ITGA1: variants seen among roughly 807,000 people sequenced by gnomAD.
ITGA1 encodes the protein integrin alpha-1.
In ITGA1, 85 loss-of-function variants were observed where a neutral mutation model predicts 145.9. The observed-to-expected ratio is 0.58, with a 90% CI of 0.49 to 0.70. The LOEUF is 0.70. Among genes scored for constraint, ITGA1 ranks in the 30% least tolerant of loss-of-function variants. ITGA1 has a pLI of 0.00. For missense variants in ITGA1, 1,351 were observed against 1,418.7 expected, an observed-to-expected ratio of 0.95 and a Z score of 0.77; for synonymous variants, 520 against 495.3, an observed-to-expected ratio of 1.05 and a Z score of -0.66.
At chr5:52,949,839 C>T (rs979831061) in intron 28 of ITGA1, among the ~76,000 whole-genome samples, 3 of 152,162 alleles carry the variant, frequency 2.0e-5, no homozygotes, top group African/African-American at 4.8e-5. Flanking sequence ...TTCAGAAGAG[C>T]TACTCTTATC....
At chr5:52,835,685 C>T (rs1252409681) in intron 1 of ITGA1, among the ~76,000 whole-genome samples, 1 of 152,016 alleles carries the variant, frequency 6.6e-6, no homozygotes, top group Non-Finnish European at 1.5e-5. Context: ...TACAAGAAAC[C>T]CTTCTGAAGA....
At chr5:52,801,397 T>C (rs1253370474) in intron 1 of ITGA1, 5 of 1,600,252 alleles carry the variant, frequency 3.1e-6, no homozygotes, top group African/African-American at 1.3e-5. Flanking sequence ...ACTTTTGTAA[T>C]TGTGATTCTA....
intron 1 of ITGA1, among the ~76,000 whole-genome samples, chr5:52,841,636 A>G (rs1050432340): frequency 6.6e-6 from 1 of 152,236 alleles, no homozygotes; most frequent in African/African-American, 2.4e-5. Flanking sequence ...AACCCATAAG[A>G]CTAATATTAT....
At chr5:52,878,479 G>A (rs774777382) in intron 6 of ITGA1, among the ~76,000 whole-genome samples, 4 of 152,112 alleles carry the variant, frequency 2.6e-5, no homozygotes, top group Non-Finnish European at 4.4e-5. Context: ...TTCATAGTAG[G>A]TTCTTTAAGA....
intron 1 of ITGA1, among the ~76,000 whole-genome samples, chr5:52,829,502 A>G (rs1749023392): frequency 2.0e-5 from 3 of 152,206 alleles, no homozygotes; most frequent in Admixed American, 2.0e-4. Context: ...GCTCACCACC[A>G]TAAAAGTTAG....
chr5:52,829,339 A>G (rs2111717763), intron 1 of ITGA1, among the ~76,000 whole-genome samples: 1 of 152,306 alleles, frequency 6.6e-6, no homozygotes, highest in Non-Finnish European at 1.5e-5. Context: ...GAGTTTGGTC[A>G]ACATAGTGAA....
intron 2 of ITGA1, among the ~76,000 whole-genome samples, chr5:52,857,061 TTTTAAGG>T (rs1749526071): frequency 6.6e-6 from 1 of 152,186 alleles, no homozygotes; most frequent in African/African-American, 2.4e-5. Flanking sequence ...TGCAAAGGCC[TTTTAAGG>T]CCTAGCCTTA....
chr5:52,938,222 TG>T (rs564877314), intron 24 of ITGA1, among the ~76,000 whole-genome samples: 194 of 152,294 alleles, frequency 1.3e-3, no homozygotes, highest in African/African-American at 4.4e-3. Context: ...ACTTCTTAAT[TG>T]TACCTAAGCA....
chr5:52,836,313 A>C (rs1469435418), intron 1 of ITGA1, among the ~76,000 whole-genome samples: 1 of 152,236 alleles, frequency 6.6e-6, no homozygotes, highest in African/African-American at 2.4e-5. Flanking sequence ...GAGCCAGTAC[A>C]TAAAATAAGA....
chr5:52,840,102 G>A (rs902391843), intron 1 of ITGA1, among the ~76,000 whole-genome samples: 5 of 152,008 alleles, frequency 3.3e-5, no homozygotes, highest in African/African-American at 9.7e-5. Context: ...CCTCAAAAAC[G>A]CCTGCTGTGT....
At chr5:52,912,546 TATA>T (rs1750576806) in intron 14 of ITGA1, among the ~76,000 whole-genome samples, 3 of 136,058 alleles carry the variant, frequency 2.2e-5, no homozygotes, top group African/African-American at 8.2e-5. Context: ...AGGTATTATA[TATA>T]GTGTATCCAC....
At chr5:52,951,548 C>G (rs762183611) in intron 28 of ITGA1, among the ~76,000 whole-genome samples, 2 of 152,076 alleles carry the variant, frequency 1.3e-5, no homozygotes, top group Non-Finnish European at 2.9e-5. Flanking sequence ...TTTTTATTTC[C>G]AAATGATATA....
At chr5:52,879,651 G>C (rs1749923157) in intron 6 of ITGA1, among the ~76,000 whole-genome samples, 1 of 152,168 alleles carries the variant, frequency 6.6e-6, no homozygotes, top group African/African-American at 2.4e-5. Flanking sequence ...CTGAATTGCA[G>C]TCATAGATGT....
chr5:52,802,525 TTGATC>T (rs1425198619), intron 1 of ITGA1: 2 of 152,188 alleles, frequency 1.3e-5, no homozygotes, highest in Non-Finnish European at 2.9e-5. Context: ...TTTTAGAACT[TTGATC>T]TGCTAGGGAT....
chr5:52,925,198 T>C, intron 18 of ITGA1, 80 bp from the exon 19 acceptor site: 1 of 1,084,954 alleles, frequency 9.2e-7, no homozygotes, highest in Non-Finnish European at 1.4e-6. Flanking sequence ...CTGTATGCCA[T>C]TTTTGTTACA....
chr5:52,880,590 C>T (rs1034298287), intron 6 of ITGA1, among the ~76,000 whole-genome samples: 2 of 152,210 alleles, frequency 1.3e-5, no homozygotes, highest in African/African-American at 4.8e-5. Context: ...AAACCAGTTA[C>T]TGAGCCTTCA....
intron 1 of ITGA1, among the ~76,000 whole-genome samples, chr5:52,813,810 T>G (rs1217533451): frequency 1.3e-5 from 2 of 152,176 alleles, no homozygotes; most frequent in African/African-American, 4.8e-5. Context: ...CAGGAGGAAT[T>G]TGTGGATTCT....
intron 11 of ITGA1, chr5:52,902,366 GA>G (rs2111836356): frequency 6.6e-6 from 1 of 152,316 alleles, no homozygotes; most frequent in African/African-American, 2.4e-5. Context: ...ACAGTTTGCT[GA>G]ATTCTATTCC....
intron 16 of ITGA1, among the ~76,000 whole-genome samples, chr5:52,919,881 A>G (rs1750705971): frequency 1.3e-5 from 2 of 152,270 alleles, no homozygotes; most frequent in African/African-American, 4.8e-5. Context: ...GTCATTTTAT[A>G]TATAAATAGA....
Sources: allele counts gnomAD v4.1 joint callset (sites outside exome capture counted in the v4.1 genomes callset), GRCh38; gene constraint gnomAD v4.1.1; transcripts MANE v1.5; gene names NCBI Gene and HGNC (gene_info 2026-07-23, HGNC 2026-07-21).